The following SOX6 variants were observed in gnomAD, a reference collection of about 807,000 sequenced individuals.
SOX6 encodes transcription factor SOX-6.
Under a neutral mutation model 97.8 loss-of-function variants are expected in SOX6, and 11 were observed. The ratio of observed to expected loss-of-function variants is 0.11; its 90% CI spans 0.07 to 0.19. The LOEUF is 0.19. Ranked by LOEUF, SOX6 falls within the 10% of genes least tolerant of loss-of-function variation. The pLI is 1.00. For synonymous variants in SOX6, 360 were observed against 371.4 expected, an observed-to-expected ratio of 0.97 and a Z score of 0.35; for missense variants, 810 against 1,039.5, an observed-to-expected ratio of 0.78 and a Z score of 3.04.
intron 1 of SOX6, among the ~76,000 whole-genome samples, chr11:16,346,057 C>T (rs1013568254): frequency 6.6e-6 from 1 of 151,976 alleles, no homozygotes; most frequent in Non-Finnish European, 1.5e-5. Context: ...CATAAAGCAA[C>T]ATTTTAAGAG....
At chr11:16,177,604 G>C (rs982657243) in intron 6 of SOX6, among the ~76,000 whole-genome samples, 3 of 140,298 alleles carry the variant, frequency 2.1e-5, no homozygotes. Context: ...GCATCCAAAG[G>C]CTCTGAGAAT....
intron 15 of SOX6, among the ~76,000 whole-genome samples, chr11:15,982,754 C>T (rs1355897546): frequency 2.0e-5 from 3 of 151,942 alleles, no homozygotes; most frequent in East Asian, 3.9e-4. Flanking sequence ...AATAATGTAA[C>T]ATTTTCTCGA....
chr11:16,013,032 T>A (rs1854778667), intron 13 of SOX6, among the ~76,000 whole-genome samples: 1 of 152,058 alleles, frequency 6.6e-6, no homozygotes, highest in Non-Finnish European at 1.5e-5. Context: ...ATATAGTTAA[T>A]AACTCTGACC....
At chr11:16,257,606 A>G (rs571647137) in intron 3 of SOX6, among the ~76,000 whole-genome samples, 24 of 152,060 alleles carry the variant, frequency 1.6e-4, no homozygotes, top group African/African-American at 5.1e-4. Context: ...AAAAATTTCT[A>G]GAGATAACAT....
chr11:16,509,073 G>C (rs1027954081), intron 4 of SOX6, among the ~76,000 whole-genome samples: 2 of 151,944 alleles, frequency 1.3e-5, no homozygotes, highest in African/African-American at 4.8e-5. Context: ...GAGAACCTGA[G>C]AACTGAGGAA....
At chr11:16,564,514 T>A (rs183674473) in intron 4 of SOX6, among the ~76,000 whole-genome samples, 2 of 152,194 alleles carry the variant, frequency 1.3e-5, no homozygotes, top group Non-Finnish European at 2.9e-5. Context: ...AGAATACACA[T>A]CTTTTATGTG....
chr11:16,674,323 G>A (rs11828045), intron 3 of SOX6, among the ~76,000 whole-genome samples: 410 of 151,872 alleles, frequency 2.7e-3, no homozygotes, highest in African/African-American at 9.3e-3. Context: ...AAGTAATGCC[G>A]AAAAAGCATT....
intron 12 of SOX6, among the ~76,000 whole-genome samples, chr11:16,018,803 T>A (rs1854960758): frequency 6.6e-6 from 1 of 152,102 alleles, no homozygotes; most frequent in South Asian, 2.1e-4. Flanking sequence ...ACATTTTTAT[T>A]ATTTTATAGT....
At chr11:16,185,494 C>T (rs925848644) in intron 5 of SOX6, among the ~76,000 whole-genome samples, 11 of 152,278 alleles carry the variant, frequency 7.2e-5, no homozygotes, top group African/African-American at 1.4e-4. Flanking sequence ...CCACTCTAGA[C>T]GTATGGGTTT....
intron 3 of SOX6, among the ~76,000 whole-genome samples, chr11:16,288,590 G>C (rs1590095966): frequency 6.6e-6 from 1 of 151,886 alleles, no homozygotes; most frequent in Admixed American, 6.6e-5. Flanking sequence ...AGATATTTTA[G>C]AGCCCAGTCA....
chr11:16,124,058 A>G (rs1849554889), intron 6 of SOX6, among the ~76,000 whole-genome samples: 1 of 152,082 alleles, frequency 6.6e-6, no homozygotes, highest in South Asian at 2.1e-4. Context: ...AACCTGACCA[A>G]TCTTTCAAGG....
chr11:16,169,311 T>C (rs1850969605), intron 6 of SOX6, among the ~76,000 whole-genome samples: 1 of 152,078 alleles, frequency 6.6e-6, no homozygotes, highest in Non-Finnish European at 1.5e-5. Context: ...GTCCTATCAT[T>C]ATAATATAAT....
intron 12 of SOX6, among the ~76,000 whole-genome samples, chr11:16,040,735 A>C (rs1855639253): frequency 6.6e-6 from 1 of 152,042 alleles, no homozygotes; most frequent in Admixed American, 6.6e-5. Flanking sequence ...TAGGGAACAA[A>C]TGAGATGATG....
chr11:16,052,301 C>G (rs1174287368), intron 10 of SOX6, among the ~76,000 whole-genome samples: 1 of 152,082 alleles, frequency 6.6e-6, no homozygotes, highest in Non-Finnish European at 1.5e-5. Flanking sequence ...CTAACCAAAC[C>G]TGGTAGAAGG....
intron 6 of SOX6, among the ~76,000 whole-genome samples, chr11:16,141,995 G>A (rs1850155947): frequency 6.6e-6 from 1 of 152,172 alleles, no homozygotes; most frequent in Non-Finnish European, 1.5e-5. Context: ...CGACAGCTTT[G>A]AAGAGAGTAG....
chr11:16,207,961 A>C (rs1235330143), intron 4 of SOX6, among the ~76,000 whole-genome samples: 1 of 152,184 alleles, frequency 6.6e-6, no homozygotes, highest in East Asian at 1.9e-4. Flanking sequence ...ATTAATAAAT[A>C]CTAATTTACA....
chr11:16,687,034 A>G lies in SOX6; in HGVS notation n.429+27796T>C, dbSNP rs577646150. Among the ~76,000 whole-genome samples, 8 of 152,358 alleles carry G rather than the reference A, an allele frequency of 5.3e-5. No homozygotes were observed. The South Asian group carries it at 1.4e-3, about 28-fold the overall frequency. On this transcript the variant is annotated intron_variant and non_coding_transcript_variant, in intron 3 of 5. Transcript: ENST00000524520. ...CAGCTACTTGGGAGGCTGAGGCACAAGAATCACTTGAACGTGAGAGGCAGA... is the reference window on the plus strand; with the variant it reads ...CAGCTACTTGGGAGGCTGAGGCACAGGAATCACTTGAACGTGAGAGGCAGA...
At chr11:16,642,078 A>G (rs1848925420) in intron 3 of SOX6, among the ~76,000 whole-genome samples, 1 of 152,118 alleles carries the variant, frequency 6.6e-6, no homozygotes, top group Admixed American at 6.6e-5. Flanking sequence ...TGCTTCCTTC[A>G]GGAGCTCTTT....
At chr11:16,340,932 A>G (rs1357999943) in intron 2 of SOX6, 80 bp downstream of exon 2, 7 of 1,591,562 alleles carry the variant, frequency 4.4e-6, no homozygotes, top group Non-Finnish European at 6.0e-6. Context: ...AAGGTCATCT[A>G]TTTCCCTAAA....
Sources: allele counts gnomAD v4.1 joint callset (sites outside exome capture counted in the v4.1 genomes callset), GRCh38; gene constraint gnomAD v4.1.1; transcripts MANE v1.5; gene names NCBI Gene and HGNC (gene_info 2026-07-23, HGNC 2026-07-21).